METTL15: variants seen among roughly 807,000 people sequenced by gnomAD.
The protein encoded by METTL15 is 12S rRNA N(4)-cytidine methyltransferase METTL15.
METTL15 carries 34 observed loss-of-function variants against 38.3 expected under a neutral mutation model. The ratio of observed to expected loss-of-function variants is 0.89; its 90% CI spans 0.68 to 1.18. The LOEUF (loss-of-function observed/expected upper bound fraction) is 1.18. Ranked by LOEUF, METTL15 falls within the 50% of genes most tolerant of loss-of-function variation. The pLI, the probability that METTL15 is intolerant of heterozygous loss-of-function variation, is 0.00. For missense variants in METTL15, 438 were observed against 498.4 expected (o/e 0.88, Z 1.15); for synonymous variants, 162 against 170.9 (o/e 0.95, Z 0.41).
At chr11:28,346,967 T>G (rs959685008) in intron 3 of METTL15, among the ~76,000 whole-genome samples, 1 of 152,220 alleles carries the variant, frequency 6.6e-6, no homozygotes, top group African/African-American at 2.4e-5. Context: ...TAACCACAGA[T>G]TGACAAATGT....
chr11:28,236,097 G>C (rs1457073147), intron 4 of METTL15, among the ~76,000 whole-genome samples: 2 of 152,092 alleles, frequency 1.3e-5, no homozygotes, highest in South Asian at 2.1e-4. Context: ...CTGTGTATAT[G>C]CTGGATTACA....
chr11:28,444,418 T>C (rs1851058986), intron 6 of METTL15, among the ~76,000 whole-genome samples: 1 of 152,196 alleles, frequency 6.6e-6, no homozygotes, highest in Non-Finnish European at 1.5e-5. Context: ...TTATAGTTAT[T>C]GGAATTTAAC....
downstream of METTL15, among the ~76,000 whole-genome samples, chr11:28,529,753 T>G (rs886954863): frequency 6.6e-6 from 1 of 152,060 alleles, no homozygotes; most frequent in African/African-American, 2.4e-5. Flanking sequence ...GCCATAATCC[T>G]TAGCTCTATA....
intron 3 of METTL15, among the ~76,000 whole-genome samples, chr11:28,351,135 T>C (rs1850038258): frequency 1.3e-5 from 2 of 151,868 alleles, no homozygotes; most frequent in South Asian, 2.1e-4. Flanking sequence ...TTTTTTAAGA[T>C]GGAATCTTGC....
intron 3 of METTL15, among the ~76,000 whole-genome samples, chr11:28,203,506 A>T (rs2046372): frequency 0.46 from 70,147 of 151,884 alleles, 17,797 homozygotes; most frequent in Admixed American, 0.56. Context: ...TGAAGAAACA[A>T]TTGTTTTTAT....
At chr11:28,469,232 C>T (rs1282119800) in intron 6 of METTL15, among the ~76,000 whole-genome samples, 1 of 135,980 alleles carries the variant, frequency 7.4e-6, no homozygotes, top group African/African-American at 2.8e-5. Context: ...AATACTTACA[C>T]CATATTTGTG....
intron 5 of METTL15, among the ~76,000 whole-genome samples, chr11:28,409,292 G>T (rs538906439): frequency 7.3e-6 from 1 of 137,760 alleles, no homozygotes; most frequent in African/African-American, 2.7e-5. Flanking sequence ...TGAGGCAGGA[G>T]AATGGCATGA....
intron 3 of METTL15, among the ~76,000 whole-genome samples, chr11:28,179,311 G>A (rs1008036602): frequency 6.6e-6 from 1 of 151,612 alleles, no homozygotes; most frequent in African/African-American, 2.4e-5. Context: ...TTCTGTAACA[G>A]TTTTTTATTA....
intron 6 of METTL15, among the ~76,000 whole-genome samples, chr11:28,314,898 A>G (rs1461799675): frequency 6.6e-6 from 1 of 152,226 alleles, no homozygotes; most frequent in Non-Finnish European, 1.5e-5. Flanking sequence ...GCCTGCTGCA[A>G]TCCATGTAAA....
intron 6 of METTL15, among the ~76,000 whole-genome samples, chr11:28,496,857 A>C (rs1410251473): frequency 6.6e-6 from 1 of 152,198 alleles, no homozygotes; most frequent in Non-Finnish European, 1.5e-5. Context: ...TGCATCATTA[A>C]AACTGCAAAA....
intron 5 of METTL15, among the ~76,000 whole-genome samples, chr11:28,377,278 C>A (rs1243924829): frequency 6.6e-6 from 1 of 151,390 alleles, no homozygotes; most frequent in Non-Finnish European, 1.5e-5. Context: ...TCCATTCTCC[C>A]CATCACTTTC....
Position 28,290,246 on chromosome 11 carries a change from G to A in METTL15, c.448G>A (p.Glu150Lys). The A allele has an allele frequency of 6.2e-7, 1 of 1,613,046 alleles. No homozygotes were observed. The highest frequency in any genetic ancestry group is 1.3e-5 in the African/African-American group (1 of 74,984). The part of the protein sequence containing the change: ...RAMLGQFSQA[E>K]ALLMKAGVQP... Reference sequence around the variant, plus strand: ...TATGCTGGGCCAGTTCAGCCAGGCAGAAGCCTTATTAATGAAAGCTGGAGT... The same window carrying A: ...TATGCTGGGCCAGTTCAGCCAGGCAAAAGCCTTATTAATGAAAGCTGGAGT... The change falls in exon 5 of 7, where the codon GAA becomes AAA. Residue 150 changes from glutamate to lysine, a missense_variant. Physicochemically the swap from Glu to Lys is moderately conservative, Grantham distance 56 (BLOSUM62 1). Coordinates refer to ENST00000407364, the MANE Select transcript of METTL15 (RefSeq NM_001113528.2).
intron 6 of METTL15, among the ~76,000 whole-genome samples, chr11:28,431,809 A>G (rs200075053): frequency 0.042 from 233 of 5,556 alleles, 1 homozygote; most frequent in Admixed American, 0.092. Flanking sequence ...AAAAAAAAAG[A>G]AAAAAAAAAA....
At chr11:28,523,301 A>T (rs1228975073) in intron 6 of METTL15, among the ~76,000 whole-genome samples, 2 of 152,234 alleles carry the variant, frequency 1.3e-5, no homozygotes, top group African/African-American at 2.4e-5. Context: ...TAATCAATAA[A>T]TGTGAGCAAA....
intron 3 of METTL15, among the ~76,000 whole-genome samples, chr11:28,184,232 TG>T (rs1346732336): frequency 6.6e-6 from 1 of 152,058 alleles, no homozygotes; most frequent in Non-Finnish European, 1.5e-5. Context: ...TTGATTTTTT[TG>T]AAGGGTTTTT....
chr11:28,395,588 G>A (rs980821803), intron 5 of METTL15, among the ~76,000 whole-genome samples: 1 of 151,952 alleles, frequency 6.6e-6, no homozygotes, highest in African/African-American at 2.4e-5. Flanking sequence ...ACCAATAGCA[G>A]GCTGAAATAG....
chr11:28,146,641 A>AAGAGAAAAG (rs1206380721), intron 3 of METTL15, among the ~76,000 whole-genome samples: 2 of 151,916 alleles, frequency 1.3e-5, no homozygotes, highest in African/African-American at 4.8e-5. Flanking sequence ...AAAAATATTC[A>AAGAGAAAAG]ATACAATATC....
intron 3 of METTL15, among the ~76,000 whole-genome samples, chr11:28,187,702 G>T (rs779532742): frequency 2.0e-5 from 3 of 150,820 alleles, no homozygotes; most frequent in Non-Finnish European, 4.5e-5. Flanking sequence ...ATAGAACAAG[G>T]TATGAAAAAG....
intron 3 of METTL15, chr11:28,125,737 A>G (rs1852451859): frequency 6.6e-6 from 1 of 152,098 alleles, no homozygotes; most frequent in South Asian, 2.1e-4. Flanking sequence ...TCCAGGTACA[A>G]CTTAAATTGC....
Sources: gnomAD v4.1 joint callset for allele counts (sites outside exome capture counted in the v4.1 genomes callset) on GRCh38, gnomAD v4.1.1 for gene constraint, MANE v1.5 for transcripts, NCBI Gene and HGNC (gene_info 2026-07-23, HGNC 2026-07-21) for gene names.